Variants in KLHL3 observed in about 807,000 individuals in gnomAD.
KLHL3 encodes the protein kelch like family member 3.
Under a neutral mutation model 70.5 loss-of-function variants are expected in KLHL3, and 19 were observed. That is an observed-to-expected ratio of 0.27 (90% confidence interval 0.19 to 0.40). The LOEUF is 0.40. Ranked by LOEUF, KLHL3 falls within the 10% of genes least tolerant of loss-of-function variation. KLHL3 has a pLI of 1.00. For missense variants in KLHL3, 512 were observed against 771.1 expected, an observed-to-expected ratio of 0.66 and a Z score of 3.98; for synonymous variants, 258 against 290.3, an observed-to-expected ratio of 0.89 and a Z score of 1.13.
At chr5:137,667,315 G>A (rs1432656005) in intron 6 of KLHL3, among the ~76,000 whole-genome samples, 2 of 152,176 alleles carry the variant, frequency 1.3e-5, no homozygotes, top group Non-Finnish European at 2.9e-5. Flanking sequence ...ATAGGATAGG[G>A]TGATATCTAC....
chr5:137,735,389 G>A (rs1413930145), intron 1 of KLHL3, among the ~76,000 whole-genome samples: 1 of 152,250 alleles, frequency 6.6e-6, no homozygotes, highest in East Asian at 1.9e-4. Context: ...CTTTCAGGGT[G>A]CTCCGCTGCC....
chr5:137,701,276 G>A (rs988551017), intron 3 of KLHL3, among the ~76,000 whole-genome samples: 4 of 152,038 alleles, frequency 2.6e-5, no homozygotes, highest in African/African-American at 9.7e-5. Context: ...TTGAACTCCC[G>A]ACCTCAGACG....
At chr5:137,722,682 A>AT (rs1753018917) in intron 1 of KLHL3, among the ~76,000 whole-genome samples, 1 of 151,784 alleles carries the variant, frequency 6.6e-6, no homozygotes, top group African/African-American at 2.4e-5. Context: ...TCTGATACTT[A>AT]TTTTTTCTCT....
intron 7 of KLHL3, among the ~76,000 whole-genome samples, chr5:137,659,188 G>T (rs1043108325): frequency 1.3e-5 from 2 of 152,182 alleles, no homozygotes; most frequent in Non-Finnish European, 2.9e-5. Flanking sequence ...TCTCCTGGTT[G>T]GGCAGCCCTG....
At chr5:137,635,598 G>C (rs74957995) in intron 11 of KLHL3, among the ~76,000 whole-genome samples, 126 of 152,234 alleles carry the variant, frequency 8.3e-4, no homozygotes, top group African/African-American at 3.0e-3. Flanking sequence ...AGGGAGGAGA[G>C]GAAGCCAGAC....
In KLHL3 at chr5:137,618,148, G is replaced by C. The variant is rs1251886035; in HGVS notation, c.*3950C>G. 1.3e-5 allele frequency: 2 copies of C among 152,518 alleles called. No homozygotes were observed. The highest frequency in any genetic ancestry group is 6.5e-5 in the Admixed American group (1 of 15,270). 9.4% of individuals were successfully genotyped at this position (152,518 alleles called of 1,614,324 possible). The stretch of plus-strand genomic sequence containing the variant: ...AACACAGCACAGCTGAACATGAGGG[G>C]CTTAGGACTCTAAATAGTGCAAACG... On this transcript the variant is annotated 3_prime_UTR_variant, in exon 15 of 15. Transcript: ENST00000309755.
chr5:137,630,737 C>T (rs1398511008), intron 12 of KLHL3, among the ~76,000 whole-genome samples: 2 of 152,080 alleles, frequency 1.3e-5, no homozygotes, highest in African/African-American at 4.8e-5. Context: ...GAATTAGAGG[C>T]CAGAATAAGG....
Position 137,640,210 on chromosome 5 carries a change from G to A in KLHL3, c.904-233C>T, listed in dbSNP as rs546438215. Among the ~76,000 whole-genome samples the A allele has an allele frequency of 3.4e-4, 52 of 152,286 alleles. No homozygotes were observed. In the Middle Eastern group the frequency reaches 0.01, roughly 30 times the overall value. ...CAGTCATAAGTTCTGTTTCCCAAAT[G>A]CCCCACTCGGGGCTATCTTGTGGGT... is the stretch of plus-strand genomic sequence containing the variant. On this transcript the variant is annotated intron_variant, in intron 8 of 14. Transcript: ENST00000309755.
intron 5 of KLHL3, among the ~76,000 whole-genome samples, chr5:137,689,465 G>A (rs1752263594): frequency 6.6e-6 from 1 of 152,222 alleles, no homozygotes. Flanking sequence ...TAAAGAAAAT[G>A]TGGTACACCA....
chr5:137,718,184 C>T (rs1561619096), intron 2 of KLHL3, among the ~76,000 whole-genome samples: 1 of 152,300 alleles, frequency 6.6e-6, no homozygotes, highest in African/African-American at 2.4e-5. Flanking sequence ...TTTCTCAGAA[C>T]AGAGTTTGAC....
chr5:137,630,226 T>G (rs1320770954), intron 12 of KLHL3, among the ~76,000 whole-genome samples: 1 of 152,122 alleles, frequency 6.6e-6, no homozygotes, highest in Non-Finnish European at 1.5e-5. Flanking sequence ...GAAAAAGGCT[T>G]GGTTTTGATT....
At chr5:137,661,211 G>A (rs1751465817) in intron 7 of KLHL3, 1 of 152,180 alleles carries the variant, frequency 6.6e-6, no homozygotes, top group South Asian at 2.1e-4. Flanking sequence ...TTTGAATCCT[G>A]AGCCTCTCTA....
At chr5:137,685,911 T>C (rs899290575) in intron 5 of KLHL3, among the ~76,000 whole-genome samples, 1 of 152,240 alleles carries the variant, frequency 6.6e-6, no homozygotes, top group African/African-American at 2.4e-5. Context: ...AGCAGTTCTC[T>C]CTGGGTAGGA....
At chr5:137,730,625 G>C (rs1753157992) in intron 1 of KLHL3, among the ~76,000 whole-genome samples, 1 of 152,118 alleles carries the variant, frequency 6.6e-6, no homozygotes, top group Admixed American at 6.5e-5. Context: ...AACTCAAGGG[G>C]AAAACTCTTA....
At chr5:137,640,038 T>C in intron 8 of KLHL3, 61 bp from the exon 9 acceptor site, 1 of 1,377,976 alleles carries the variant, frequency 7.3e-7, no homozygotes, top group Non-Finnish European at 1.0e-6. Context: ...ATGGTATCCC[T>C]GGTACTTCCA....
intron 11 of KLHL3, among the ~76,000 whole-genome samples, chr5:137,635,786 G>T (rs761633950): frequency 3.3e-5 from 5 of 152,146 alleles, no homozygotes; most frequent in Non-Finnish European, 5.9e-5. Flanking sequence ...TGTCTTCCAC[G>T]TCAACAGGGC....
rs780619286 is a variant in KLHL3, at chr5:137,622,078, C to T, written c.*20G>A. 3.1e-6 allele frequency: 5 copies of T among 1,613,966 alleles called. No individual in the cohort carries two copies. In the Admixed American group the frequency reaches 6.7e-5, roughly 22 times the overall value. On this transcript the variant is annotated 3_prime_UTR_variant, in exon 15 of 15. Transcript: ENST00000309755. ...GCAGCACCTGCTCCTTCCTCCACCT[C>T]CTGGCAGTAGGAGTTTGGGTCACAA... is the stretch of plus-strand genomic sequence containing the variant.
intron 5 of KLHL3, among the ~76,000 whole-genome samples, chr5:137,679,378 C>T (rs1313797883): frequency 6.6e-6 from 1 of 152,176 alleles, no homozygotes; most frequent in Non-Finnish European, 1.5e-5. Context: ...AGCAGGACCA[C>T]ACGGTTCTCA....
chr5:137,709,863 G>A lies in KLHL3; in HGVS notation c.135-7C>T, dbSNP rs762173896. The A allele has an allele frequency of 1.4e-5, 22 of 1,611,068 alleles. No homozygotes were observed. Among genetic ancestry groups the A allele is most frequent in the Middle Eastern group, 1.7e-4 (1 of 6,058 alleles). On this transcript the variant is annotated splice_polypyrimidine_tract_variant and splice_region_variant and intron_variant, in intron 2 of 14. Transcript: ENST00000309755. The stretch of plus-strand genomic sequence containing the variant: ...GTCACACAACAGCTGTTTACTGTAA[G>A]ACACCAGTGAGAGGACAGGATGGGT...
Sources: gnomAD v4.1 joint callset for allele counts (sites outside exome capture counted in the v4.1 genomes callset) on GRCh38, gnomAD v4.1.1 for gene constraint, MANE v1.5 for transcripts, NCBI Gene and HGNC (gene_info 2026-07-23, HGNC 2026-07-21) for gene names.